Variants in SEC24D observed in about 807,000 individuals in gnomAD.
The protein encoded by SEC24D is protein transport protein Sec24D.
Under a neutral mutation model 116.9 loss-of-function variants are expected in SEC24D, and 69 were observed. The ratio of observed to expected loss-of-function variants is 0.59; its 90% confidence interval spans 0.49 to 0.72. The LOEUF (loss-of-function observed/expected upper bound fraction) is 0.72, where lower values mean the gene tolerates loss of function less well. Ranked by LOEUF, SEC24D falls within the 30% of genes least tolerant of loss-of-function variation. The probability of loss-of-function intolerance (pLI) is 0.00; values close to 1 mark genes in which losing one functional copy is unlikely to be tolerated. For synonymous variants in SEC24D, 405 were observed against 442.8 expected (o/e 0.91, Z 1.07); for missense variants, 1,131 against 1,264.1 (o/e 0.89, Z 1.60).
chr4:118,752,834 T>A lies in SEC24D; in HGVS notation c.1476A>T (p.Lys492Asn). 1 of 1,610,184 alleles carries A rather than the reference T, an allele frequency of 6.2e-7. No individual in the cohort carries two copies. Among genetic ancestry groups the A allele is most frequent in the Non-Finnish European group, 8.5e-7 (1 of 1,178,650 alleles). The part of the protein sequence containing the change: ...AIRVGFITYN[K>N]VLHFFNVKSN... ...TCTTCACATTAAAGAAATGGAGAAC[T>A]TTGTTATATGTGATAAAACCCACTC... is the stretch of plus-strand genomic sequence containing the variant. The change falls in exon 12 of 23, where the codon AAA becomes AAT. Residue 492 changes from lysine to asparagine, a missense_variant. Physicochemically the swap from Lys to Asn is moderately conservative, Grantham distance 94 (BLOSUM62 0). Coordinates refer to ENST00000280551, the MANE Select transcript of SEC24D (RefSeq NM_014822.4).
intron 7 of SEC24D, among the ~76,000 whole-genome samples, chr4:118,801,394 A>G (rs780749004): frequency 1.2e-4 from 19 of 152,172 alleles, no homozygotes; most frequent in Non-Finnish European, 2.5e-4. Context: ...AAACTGGTCC[A>G]TTGCTTTAAG....
At chr4:118,793,340 G>A (rs1035113932) in intron 8 of SEC24D, among the ~76,000 whole-genome samples, 4 of 150,240 alleles carry the variant, frequency 2.7e-5, no homozygotes, top group South Asian at 2.1e-4. Context: ...AGTGGCGGGC[G>A]CCTGTAGTCC....
intron 8 of SEC24D, among the ~76,000 whole-genome samples, chr4:118,771,522 T>C (rs1049248013): frequency 2.6e-5 from 4 of 152,062 alleles, no homozygotes; most frequent in East Asian, 1.9e-4. Context: ...ACTGTGCTGA[T>C]ACTAATTTTA....
At chr4:118,771,923 C>G (rs1166050575) in intron 8 of SEC24D, among the ~76,000 whole-genome samples, 2 of 152,002 alleles carry the variant, frequency 1.3e-5, no homozygotes, top group African/African-American at 4.8e-5. Flanking sequence ...ATGAAAAAAA[C>G]AGGGTATGAG....
chr4:118,762,250 G>A (rs1329958579), intron 10 of SEC24D, among the ~76,000 whole-genome samples: 1 of 151,994 alleles, frequency 6.6e-6, no homozygotes, highest in African/African-American at 2.4e-5. Flanking sequence ...CAGGATGATT[G>A]TGTTAATACT....
intron 22 of SEC24D, 63 bp downstream of exon 22, chr4:118,728,498 T>G (rs191457952): frequency 1.1e-6 from 1 of 940,742 alleles, no homozygotes; most frequent in East Asian, 2.4e-5. Context: ...AGGGTGTGCA[T>G]GTTAAGTCTT....
At chr4:118,779,756 TATTG>T (rs1373988188) in intron 8 of SEC24D, among the ~76,000 whole-genome samples, 1 of 152,246 alleles carries the variant, frequency 6.6e-6, no homozygotes, top group Non-Finnish European at 1.5e-5. Context: ...GTTGGTAGGC[TATTG>T]ATTATTGCCT....
At chr4:118,741,195 G>C (rs966324304) in intron 15 of SEC24D, among the ~76,000 whole-genome samples, 158 bp from the exon 16 acceptor site, 8 of 152,000 alleles carry the variant, frequency 5.3e-5, no homozygotes, top group African/African-American at 1.9e-4. Flanking sequence ...AGAAAATATA[G>C]CATTTTTGGA....
At chr4:118,819,815 C>G (rs911724974) in intron 3 of SEC24D, among the ~76,000 whole-genome samples, 1 of 152,232 alleles carries the variant, frequency 6.6e-6, no homozygotes, top group African/African-American at 2.4e-5. Context: ...ATATTTCAAA[C>G]AGGAGTTATA....
intron 17 of SEC24D, among the ~76,000 whole-genome samples, chr4:118,739,958 A>G (rs981162436): frequency 7.9e-5 from 12 of 152,262 alleles, no homozygotes; most frequent in South Asian, 2.1e-4. Flanking sequence ...CTTGCTTAAC[A>G]TCGTATTACG....
At chr4:118,776,656 T>G (rs1273025215) in intron 8 of SEC24D, among the ~76,000 whole-genome samples, 4 of 152,176 alleles carry the variant, frequency 2.6e-5, no homozygotes, top group Non-Finnish European at 5.9e-5. Context: ...TTAAAACTTT[T>G]GAGTAAGATA....
At chr4:118,792,330 C>G (rs1246876530) in intron 8 of SEC24D, among the ~76,000 whole-genome samples, 1 of 151,394 alleles carries the variant, frequency 6.6e-6, no homozygotes, top group Non-Finnish European at 1.5e-5. Context: ...CGCCTCTGCC[C>G]GGCCACCCTG....
Position 118,768,372 on chromosome 4 carries a change from T to C in SEC24D, c.1042-61A>G, listed in dbSNP as rs1449267266. The C allele has an allele frequency of 7.6e-6, 11 of 1,444,876 alleles. No homozygotes were observed. The East Asian group carries it at 2.1e-4, about 27-fold the overall frequency. 89.5% of individuals were successfully genotyped at this position (1,444,876 alleles called of 1,614,324 possible). On this transcript the variant is annotated intron_variant, in intron 8 of 22. Coordinates refer to ENST00000280551, the MANE Select transcript of SEC24D (RefSeq NM_014822.4). Reference sequence around the variant, plus strand: ...AGTATAGGATTTCTAGGTACTATAATTTGGGAAGTCTTTTAATGGCACTTT... The same window carrying C: ...AGTATAGGATTTCTAGGTACTATAACTTGGGAAGTCTTTTAATGGCACTTT...
chr4:118,724,306 T>C (rs1725298134), intron 22 of SEC24D, among the ~76,000 whole-genome samples: 1 of 152,078 alleles, frequency 6.6e-6, no homozygotes, highest in Non-Finnish European at 1.5e-5. Flanking sequence ...ACTCCTGTCC[T>C]TTGCTCATCA....
At chr4:118,733,012 G>A in intron 19 of SEC24D, 100 bp from the exon 20 acceptor site, 1 of 992,358 alleles carries the variant, frequency 1.0e-6, no homozygotes, top group Admixed American at 2.1e-5. Flanking sequence ...TTCTGAACTT[G>A]TAAGGATGTA....
intron 8 of SEC24D, among the ~76,000 whole-genome samples, chr4:118,771,245 T>G (rs1322756594): frequency 6.6e-6 from 1 of 152,222 alleles, no homozygotes; most frequent in Non-Finnish European, 1.5e-5. Flanking sequence ...GAATTATATT[T>G]ACCTCAGAAA....
intron 8 of SEC24D, 48 bp from the exon 9 acceptor site, chr4:118,768,359 C>A (rs1050991683): frequency 1.4e-6 from 2 of 1,430,268 alleles, no homozygotes; most frequent in Non-Finnish European, 1.9e-6. Flanking sequence ...TATAGGATTT[C>A]TAGGTACTAT....
At chr4:118,735,534 G>T (rs1302734054) in intron 19 of SEC24D, among the ~76,000 whole-genome samples, 1 of 151,944 alleles carries the variant, frequency 6.6e-6, no homozygotes, top group Non-Finnish European at 1.5e-5. Context: ...TTTTTAAAAA[G>T]AAAGCTTATT....
intron 6 of SEC24D, among the ~76,000 whole-genome samples, chr4:118,807,245 CTT>C (rs1560732935): frequency 6.6e-6 from 1 of 152,176 alleles, no homozygotes; most frequent in Non-Finnish European, 1.5e-5. Flanking sequence ...GCAAAAGTCT[CTT>C]AAGTTCTGTC....
Sources: allele counts gnomAD v4.1 joint callset (sites outside exome capture counted in the v4.1 genomes callset), GRCh38; gene constraint gnomAD v4.1.1; transcripts MANE v1.5; gene names NCBI Gene and HGNC (gene_info 2026-07-23, HGNC 2026-07-21).